Variants in PAPOLG observed in about 807,000 individuals in gnomAD.
PAPOLG encodes poly(A) polymerase gamma, also known as PAP-gamma.
In PAPOLG, 40 loss-of-function variants were observed where a neutral mutation model predicts 99.0. The observed-to-expected ratio is 0.40, with a 90% CI of 0.31 to 0.53. The LOEUF (loss-of-function observed/expected upper bound fraction) is 0.53. Ranked by LOEUF, PAPOLG falls within the 20% of genes least tolerant of loss-of-function variation. The probability of loss-of-function intolerance (pLI) is 0.41; values close to 1 mark genes in which losing one functional copy is unlikely to be tolerated. For missense variants in PAPOLG, 675 were observed against 884.1 expected (o/e 0.76, Z 3.00); for synonymous variants, 310 against 299.3 (o/e 1.04, Z -0.37).
intron 1 of PAPOLG, among the ~76,000 whole-genome samples, chr2:60,759,150 C>T (rs1670447518): frequency 6.6e-6 from 1 of 152,176 alleles, no homozygotes; most frequent in Non-Finnish European, 1.5e-5. Context: ...TGTTGGATCA[C>T]CTGAGGTCAG....
chr2:60,793,679 C>T lies in PAPOLG; in HGVS notation c.1732C>T (p.Pro578Ser), dbSNP rs1450315953. The change falls in exon 18 of 22, where the codon CCA becomes TCA. Residue 578 changes from proline (P) to serine (S), a missense_variant. By Grantham distance (74) the Pro-to-Ser change is moderately conservative. Around this residue, in one of 3 missense-constraint regions of PAPOLG, gnomAD observed 413 missense variants for 460.5 expected, o/e 0.90. Coordinates refer to ENST00000238714, the MANE Select transcript of PAPOLG (RefSeq NM_022894.4). ...TGTGGAGAAGCCACTGAGTGTACCA[C>T]CAGCCCAAGGACTTTCCATTCCAGT... ...VIVEKPLSVPPAQGLSIPVIG... is the reference protein window; with the variant it reads ...VIVEKPLSVPSAQGLSIPVIG... 2 of 1,613,824 alleles carry T rather than the reference C, an allele frequency of 1.2e-6. No homozygotes were observed. Among genetic ancestry groups the T allele is most frequent in the Admixed American group, 3.3e-5 (2 of 60,028 alleles).
At chr2:60,791,031 A>G (rs554515963) in intron 15 of PAPOLG, among the ~76,000 whole-genome samples, 9 of 150,948 alleles carry the variant, frequency 6.0e-5, no homozygotes, top group African/African-American at 1.5e-4. Context: ...AGAGGTTGCA[A>G]TGAGTTAAGA....
At chr2:60,787,137 A>G in intron 14 of PAPOLG, 71 bp downstream of exon 14, 1 of 1,324,396 alleles carries the variant, frequency 7.6e-7, no homozygotes, top group Non-Finnish European at 1.0e-6. Flanking sequence ...TTTCAGAGTA[A>G]TTGTGAGATT....
chr2:60,797,040 G>A (rs1225944668), intron 21 of PAPOLG, 22 bp from the exon 22 acceptor site: 2 of 1,606,154 alleles, frequency 1.2e-6, no homozygotes, highest in Admixed American at 1.7e-5. Flanking sequence ...TTCCTTTTTT[G>A]TTTCCTCTTT....
Position 60,792,171 on chromosome 2 carries a change from T to C in PAPOLG, c.1561T>C (p.Ser521Pro). ...DVNRSSGGLQ[S>P]KRLSLDSSCL... Reference sequence around the variant, plus strand: ...CAATCGAAGCTCGGGCGGACTTCAATCCAAAAGATTGTCTCTGGATAGCAG... The same window carrying C: ...CAATCGAAGCTCGGGCGGACTTCAACCCAAAAGATTGTCTCTGGATAGCAG... Residue 521 changes from serine (S) to proline (P), a missense_variant, in exon 17 of 22, where the codon TCC (serine) becomes CCC (proline). Coordinates refer to ENST00000238714, the MANE Select transcript of PAPOLG (RefSeq NM_022894.4). 1.3e-6 allele frequency: 2 copies of C among 1,598,780 alleles called. No homozygotes were observed. The highest frequency in any genetic ancestry group is 1.7e-6 in the Non-Finnish European group (2 of 1,176,654).
At chr2:60,788,876 C>G (rs1331137662) in intron 15 of PAPOLG, among the ~76,000 whole-genome samples, 1 of 152,052 alleles carries the variant, frequency 6.6e-6, no homozygotes, top group African/African-American at 2.4e-5. Context: ...GCCTTGTGCT[C>G]CCAGCTATCT....
At chr2:60,773,082 G>A (rs1457314983) in intron 7 of PAPOLG, among the ~76,000 whole-genome samples, 1 of 151,988 alleles carries the variant, frequency 6.6e-6, no homozygotes, top group Admixed American at 6.6e-5. Context: ...GTGCCACCAC[G>A]CCTGGCTGAT....
intron 15 of PAPOLG, among the ~76,000 whole-genome samples, chr2:60,790,363 A>G (rs1671494127): frequency 2.0e-5 from 3 of 152,220 alleles, no homozygotes; most frequent in Admixed American, 6.5e-5. Context: ...AAGAGATTAA[A>G]TAATTTACTA....
intron 15 of PAPOLG, among the ~76,000 whole-genome samples, chr2:60,789,431 C>T (rs1386884588): frequency 9.2e-5 from 14 of 151,940 alleles, no homozygotes. Flanking sequence ...GACAGGATTT[C>T]GCCATGTTGC....
At chr2:60,787,672 G>T (rs775715615) in intron 15 of PAPOLG, 52 bp downstream of exon 15, 1 of 1,588,022 alleles carries the variant, frequency 6.3e-7, no homozygotes, top group South Asian at 1.1e-5. Context: ...CTATTACTCA[G>T]TGTCATCTGC....
Position 60,756,345 on chromosome 2 carries a change from C to A in PAPOLG, c.-134C>A. 1.8e-6 allele frequency: 2 copies of A among 1,111,912 alleles called. No individual in the cohort carries two copies. Among genetic ancestry groups the A allele is most frequent in the Non-Finnish European group, 2.7e-6 (2 of 731,558 alleles). 68.9% of individuals were successfully genotyped at this position (1,111,912 alleles called of 1,614,324 possible). On this transcript the variant is annotated 5_prime_UTR_variant, in exon 1 of 22. Coordinates refer to ENST00000238714, the MANE Select transcript of PAPOLG (RefSeq NM_022894.4). ...TTCACTACTCGGTTGGATGCCTCAG[C>A]CATAGTAAGTGGGAAAGTGAGCGAG...
At chr2:60,757,943 C>T (rs1050068270) in intron 1 of PAPOLG, among the ~76,000 whole-genome samples, 4 of 152,092 alleles carry the variant, frequency 2.6e-5, no homozygotes, top group Non-Finnish European at 5.9e-5. Flanking sequence ...AAGTGAGGCC[C>T]GTCATCATGG....
At chr2:60,784,801 T>C (rs1329005876) in intron 13 of PAPOLG, among the ~76,000 whole-genome samples, 1 of 152,246 alleles carries the variant, frequency 6.6e-6, no homozygotes, top group East Asian at 1.9e-4. Flanking sequence ...CAAAGTTGAA[T>C]AGGTGTAACA....
At chr2:60,777,492 G>T (rs1671056193) in intron 8 of PAPOLG, among the ~76,000 whole-genome samples, 1 of 152,196 alleles carries the variant, frequency 6.6e-6, no homozygotes, top group East Asian at 1.9e-4. Context: ...CAATAAAGCA[G>T]TTTTACTTTT....
intron 17 of PAPOLG, among the ~76,000 whole-genome samples, chr2:60,792,571 G>T (rs764267119): frequency 6.6e-6 from 1 of 152,192 alleles, no homozygotes; most frequent in South Asian, 2.1e-4. Context: ...CCCCCTTTTA[G>T]TTCAATGAAA....
intron 13 of PAPOLG, among the ~76,000 whole-genome samples, chr2:60,784,871 G>A (rs1194653196): frequency 6.6e-6 from 1 of 152,118 alleles, no homozygotes; most frequent in Non-Finnish European, 1.5e-5. Context: ...GAAAAAGTTT[G>A]CCAACCCGTC....
intron 16 of PAPOLG, 48 bp from the exon 17 acceptor site, chr2:60,792,081 A>G: frequency 6.5e-7 from 1 of 1,543,882 alleles, no homozygotes; most frequent in Non-Finnish European, 8.7e-7. Context: ...ACCAGTCTTT[A>G]TATTGTCATT....
intron 8 of PAPOLG, among the ~76,000 whole-genome samples, chr2:60,778,312 A>T (rs1376645128): frequency 6.8e-6 from 1 of 147,954 alleles, no homozygotes; most frequent in East Asian, 2.0e-4. Context: ...ACACCCGGCT[A>T]ATTTTATTTT....
intron 3 of PAPOLG, among the ~76,000 whole-genome samples, chr2:60,764,978 T>G (rs1363502402): frequency 6.6e-6 from 1 of 152,206 alleles, no homozygotes; most frequent in Non-Finnish European, 1.5e-5. Flanking sequence ...GAAATGCTAG[T>G]GACAGGTAGT....
Sources: gnomAD v4.1 joint callset for allele counts (sites outside exome capture counted in the v4.1 genomes callset) on GRCh38, gnomAD v4.1.1 for gene constraint, gnomAD v4.1.1 regional missense constraint, MANE v1.5 for transcripts, NCBI Gene and HGNC (gene_info 2026-07-23, HGNC 2026-07-21) for gene names.